The following RAB20 variants were observed in gnomAD, a reference collection of about 807,000 sequenced individuals.
The protein encoded by RAB20 is ras-related protein Rab-20.
Under a neutral mutation model 3.7 loss-of-function variants are expected in RAB20, and 2 were observed. The ratio of observed to expected loss-of-function variants is 0.54; its 90% CI spans 0.22 to 1.69. The LOEUF is 1.69. Among genes scored for constraint, RAB20 ranks in the 40% most tolerant of loss-of-function variants. The pLI, the probability that RAB20 is intolerant of heterozygous loss-of-function variation, is 0.19. For missense variants in RAB20, 276 were observed against 311.9 expected, an observed-to-expected ratio of 0.88 and a Z score of 0.87; for synonymous variants, 126 against 130.8, an observed-to-expected ratio of 0.96 and a Z score of 0.25.
At chr13:110,536,738 G>GGGGGGGT (rs1884647744) in intron 1 of RAB20, among the ~76,000 whole-genome samples, 1 of 101,046 alleles carries the variant, frequency 9.9e-6, no homozygotes, top group Non-Finnish European at 1.9e-5. Context: ...GTGGGGGGGG[G>GGGGGGGT]TTGTTTTTAT....
Position 110,537,470 on chromosome 13 carries a change from G to A in RAB20, c.173-13273C>T, listed in dbSNP as rs1401010734. Reference sequence around the variant, plus strand: ...ACTGAAAAAGATATCAAAGAAAAACGAATGATTTGTCCAGCCAAAGAAGCC... The same window carrying A: ...ACTGAAAAAGATATCAAAGAAAAACAAATGATTTGTCCAGCCAAAGAAGCC... On this transcript the variant is annotated intron_variant, in intron 1 of 1. Transcript: ENST00000267328. 8.6e-5 allele frequency among the ~76,000 whole-genome samples: 13 copies of A among 152,040 alleles called. No individual in the cohort carries two copies. In the East Asian group the frequency reaches 1.7e-3, roughly 20 times the overall value.
At chr13:110,525,662 G>A (rs1884415918) in intron 1 of RAB20, among the ~76,000 whole-genome samples, 1 of 152,246 alleles carries the variant, frequency 6.6e-6, no homozygotes. Context: ...TCCTGGGACA[G>A]GTGCAGTGCA....
chr13:110,527,944 T>C (rs11620429), intron 1 of RAB20, among the ~76,000 whole-genome samples: 14,120 of 105,870 alleles, frequency 0.13, 747 homozygotes, highest in East Asian at 0.16. Context: ...CACACACACA[T>C]ACACTTTAAT....
Position 110,561,475 on chromosome 13 carries a change from G to C in RAB20, c.45C>G (p.Asn15Lys), listed in dbSNP as rs761188223. Reference protein sequence around the residue: ...DSKIVLLGDMNVGKTSLLQRY... With the variant: ...DSKIVLLGDMKVGKTSLLQRY... ...GCTGCAGCAGCGACGTCTTCCCCACGTTCATGTCCCCCAGGAGCACGATCT... is the reference window on the plus strand; with the variant it reads ...GCTGCAGCAGCGACGTCTTCCCCACCTTCATGTCCCCCAGGAGCACGATCT... Residue 15 changes from asparagine to lysine, a missense_variant, in exon 1 of 2, where the codon AAC becomes AAG. Asn to Lys is a moderately conservative substitution (Grantham distance 94). Transcript: ENST00000267328. The C allele has an allele frequency of 6.2e-7, 1 of 1,600,240 alleles. No individual in the cohort carries two copies. The highest frequency in any genetic ancestry group is 1.1e-5 in the South Asian group (1 of 90,330).
intron 1 of RAB20, among the ~76,000 whole-genome samples, chr13:110,529,045 A>T (rs919318526): frequency 1.3e-5 from 2 of 152,256 alleles, no homozygotes; most frequent in African/African-American, 4.8e-5. Flanking sequence ...CGCATTGTCC[A>T]CACCAAGAAG....
intron 1 of RAB20, among the ~76,000 whole-genome samples, chr13:110,559,306 A>G (rs1381258642): frequency 6.7e-6 from 1 of 148,848 alleles, no homozygotes; most frequent in Non-Finnish European, 1.5e-5. Flanking sequence ...CTCGGTTATG[A>G]CAATTACAAC....
At chr13:110,541,680 G>C (rs1884765541) in intron 1 of RAB20, among the ~76,000 whole-genome samples, 1 of 152,186 alleles carries the variant, frequency 6.6e-6, no homozygotes, top group Admixed American at 6.5e-5. Context: ...CCCTTCGCCT[G>C]CCTGGGGCTC....
chr13:110,551,422 C>T (rs1884948605), intron 1 of RAB20, among the ~76,000 whole-genome samples: 1 of 152,186 alleles, frequency 6.6e-6, no homozygotes, highest in Admixed American at 6.5e-5. Flanking sequence ...AATCGTACAT[C>T]AGGGCTCAAG....
rs2139577435 is a variant in RAB20, at chr13:110,533,667, G to A, written c.173-9470C>T. On this transcript the variant is annotated intron_variant, in intron 1 of 1. Transcript: ENST00000267328. The stretch of plus-strand genomic sequence containing the variant: ...CTGCCACTGCACTCTAGCCCGGGCA[G>A]CAGAGCAAGACCCTATCTCAAAAAG... Among the ~76,000 whole-genome samples the A allele has an allele frequency of 1.3e-5, 2 of 152,298 alleles. 1 individual carries two copies. The highest frequency in any genetic ancestry group is 4.1e-4 in the South Asian group (2 of 4,828).
intron 1 of RAB20, among the ~76,000 whole-genome samples, chr13:110,534,621 G>A (rs1430148915): frequency 6.6e-6 from 1 of 152,108 alleles, no homozygotes; most frequent in Non-Finnish European, 1.5e-5. Flanking sequence ...TTCCTTGCCC[G>A]GGCAGTTATC....
Position 110,555,553 on chromosome 13 carries a change from T to C in RAB20, c.172+5795A>G, listed in dbSNP as rs1885024158. ...CCTTGGGTTCTGGCACCAAGAACAT[T>C]GGGGTCTGCAAGGCTCATGCCAAAG... On this transcript the variant is annotated intron_variant, in intron 1 of 1. Coordinates refer to ENST00000267328, the MANE Select transcript of RAB20 (RefSeq NM_017817.3). The surrounding 1 kb of genome is among the most constrained non-coding windows in gnomAD (Gnocchi z 4.0). Among the ~76,000 whole-genome samples, 2 of 152,122 alleles carry C rather than the reference T, an allele frequency of 1.3e-5. No homozygotes were observed. Among genetic ancestry groups the C allele is most frequent in the South Asian group, 4.1e-4 (2 of 4,826 alleles).
At chr13:110,535,333 C>A (rs1393285848) in intron 1 of RAB20, among the ~76,000 whole-genome samples, 1 of 152,204 alleles carries the variant, frequency 6.6e-6, no homozygotes, top group Admixed American at 6.5e-5. Flanking sequence ...CCGAACCCAC[C>A]CTGAACACCA....
Position 110,524,039 on chromosome 13 carries a change from C to A in RAB20, c.331G>T (p.Val111Leu). 1 of 1,614,142 alleles carries A rather than the reference C, an allele frequency of 6.2e-7. No individual in the cohort carries two copies. Among genetic ancestry groups the A allele is most frequent in the Non-Finnish European group, 8.5e-7 (1 of 1,180,036 alleles). The change falls in exon 2 of 2, where the codon GTG becomes TTG. Residue 111 changes from valine to leucine, a missense_variant. Physicochemically the swap from Val to Leu is conservative, Grantham distance 32 (BLOSUM62 1). Transcript: ENST00000267328. The part of the protein sequence containing the change: ...TASKDCLFAI[V>L]GNKVDLTEEG... ...TCAGTGAGGTCCACTTTGTTCCCCA[C>A]GATGGCAAAGAGGCAGTCTTTGCTG...
At position 110,561,533 on chromosome 13, in the gene RAB20, C is replaced by G. The variant is rs749441452; in HGVS notation, c.-14G>C. On this transcript the variant is annotated 5_prime_UTR_variant, in exon 1 of 2. Transcript: ENST00000267328. ...GGGCTTCCTCATCTTCCCGTAAGAA[C>G]CCCCAGCGCCCCCGCGCCCTCTCCC... The G allele has an allele frequency of 6.5e-7, 1 of 1,544,858 alleles. No individual in the cohort carries two copies. The highest frequency in any genetic ancestry group is 1.4e-5 in the African/African-American group (1 of 70,924).
In RAB20 at chr13:110,550,592, C is replaced by A. The variant is rs548286570; in HGVS notation, c.172+10756G>T. 3.1e-4 allele frequency among the ~76,000 whole-genome samples: 47 copies of A among 152,296 alleles called. No homozygotes were observed. The South Asian group carries it at 9.5e-3, about 31-fold the overall frequency. The stretch of plus-strand genomic sequence containing the variant: ...GTGTGGGAAAAACCCTACACCTTTG[C>A]TCACAGGAGTTTCCTGTGTCAATGA... On this transcript the variant is annotated intron_variant, in intron 1 of 1. Coordinates refer to ENST00000267328, the MANE Select transcript of RAB20 (RefSeq NM_017817.3).
chr13:110,539,401 CTTT>C (rs1884713414), intron 1 of RAB20, among the ~76,000 whole-genome samples: 1 of 152,192 alleles, frequency 6.6e-6, no homozygotes, highest in Middle Eastern at 3.4e-3. Flanking sequence ...CGAAATGAAG[CTTT>C]TTTCCTTTTT....
rs1282505808 is a variant in RAB20, at chr13:110,528,840, AAAGT to A, written c.173-4647_173-4644del. ...AAGAATCACAAATGCTAGCCAGAAA[AAAGT>A]AAGAATTGTTGCTTGAACCCTATAA... On this transcript the variant is annotated intron_variant, in intron 1 of 1. Coordinates refer to ENST00000267328, the MANE Select transcript of RAB20 (RefSeq NM_017817.3). Among the ~76,000 whole-genome samples the A allele has an allele frequency of 7.2e-5, 11 of 152,360 alleles. No individual in the cohort carries two copies. The East Asian group carries it at 1.3e-3, about 19-fold the overall frequency.
chr13:110,542,320 C>A (rs915349490), intron 1 of RAB20, among the ~76,000 whole-genome samples: 3 of 152,144 alleles, frequency 2.0e-5, no homozygotes, highest in Non-Finnish European at 4.4e-5. Context: ...CATGGGTGTG[C>A]AGACAGAACA....
At chr13:110,546,062 C>G (rs1884844382) in intron 1 of RAB20, among the ~76,000 whole-genome samples, 1 of 151,754 alleles carries the variant, frequency 6.6e-6, no homozygotes, top group East Asian at 1.9e-4. Context: ...GTGATTCCTT[C>G]ACATAGCAGA....
Sources: gnomAD v4.1 joint callset for allele counts (sites outside exome capture counted in the v4.1 genomes callset) on GRCh38, gnomAD v4.1.1 for gene constraint, Gnocchi (gnomAD v3.1) non-coding constraint, MANE v1.5 for transcripts, NCBI Gene and HGNC (gene_info 2026-07-23, HGNC 2026-07-21) for gene names.